The following VPS13C variants were observed in gnomAD, a reference collection of about 807,000 sequenced individuals.
VPS13C encodes intermembrane lipid transfer protein VPS13C.
Under a neutral mutation model 456.8 loss-of-function variants are expected in VPS13C, and 358 were observed. The observed-to-expected ratio is 0.78, with a 90% CI of 0.72 to 0.86. VPS13C has a LOEUF of 0.86. VPS13C is among the 40% of genes least tolerant of loss of function. VPS13C has a pLI of 0.00. For synonymous variants in VPS13C, 1,578 were observed against 1,486.7 expected (o/e 1.06, Z -1.41); for missense variants, 4,818 against 4,385.4 (o/e 1.10, Z -2.79).
chr15:61,991,221 A>G, intron 17 of VPS13C, 127 bp from the exon 18 acceptor site: 1 of 656,762 alleles, frequency 1.5e-6, no homozygotes, highest in Non-Finnish European at 2.6e-6. Context: ...TTAGCCAGGT[A>G]ATATCCTCTA....
chr15:62,056,402 G>A (rs1180503417), intron 1 of VPS13C, among the ~76,000 whole-genome samples: 3 of 152,238 alleles, frequency 2.0e-5, no homozygotes, highest in Non-Finnish European at 4.4e-5. Flanking sequence ...GTGACCAGAA[G>A]ACAAGAGTGC....
intron 67 of VPS13C, 62 bp downstream of exon 67, chr15:61,890,103 C>A: frequency 2.0e-6 from 3 of 1,474,968 alleles, no homozygotes; most frequent in Non-Finnish European, 2.8e-6. Context: ...TTCTTCAAAT[C>A]GGCTATTATG....
chr15:61,854,596 AG>A, intron 84 of VPS13C, 38 bp from the exon 85 acceptor site: 1 of 1,597,872 alleles, frequency 6.3e-7, no homozygotes, highest in Non-Finnish European at 8.6e-7. Flanking sequence ...TTTAAAGACA[AG>A]TATAGGCTCA....
intron 8 of VPS13C, among the ~76,000 whole-genome samples, chr15:62,021,831 G>A (rs940471910): frequency 3.3e-5 from 5 of 151,720 alleles, no homozygotes; most frequent in East Asian, 1.9e-4. Flanking sequence ...AGCTCTTTCC[G>A]AAGAAACTCA....
intron 57 of VPS13C, 152 bp downstream of exon 57, chr15:61,919,915 T>C (rs2043594491): frequency 1.6e-5 from 12 of 757,264 alleles, no homozygotes; most frequent in South Asian, 1.2e-4. Context: ...TTTTCTCAAG[T>C]TTAGAAAACA....
chr15:61,906,106 T>C (rs1324525906), intron 66 of VPS13C, among the ~76,000 whole-genome samples: 1 of 152,178 alleles, frequency 6.6e-6, no homozygotes, highest in Non-Finnish European at 1.5e-5. Context: ...CTGTTTATCA[T>C]ACTTAAATGA....
At chr15:62,000,724 T>C in intron 15 of VPS13C, 98 bp from the exon 16 acceptor site, 1 of 892,898 alleles carries the variant, frequency 1.1e-6, no homozygotes, top group Non-Finnish European at 1.7e-6. Context: ...CCATTATCAG[T>C]ACCTGTGACC....
At chr15:61,891,667 AT>A (rs2042655331) in intron 66 of VPS13C, among the ~76,000 whole-genome samples, 1 of 152,198 alleles carries the variant, frequency 6.6e-6, no homozygotes, top group African/African-American at 2.4e-5. Flanking sequence ...ATGCAATACT[AT>A]TCATTGCATG....
Position 61,880,725 on chromosome 15 carries a change from GA to G in VPS13C, c.9889-4del. ...ATATCTTGTTGGATTAACTTTGTCT[GA>G]AAAAAATAAAATCAAGAATTTCTAT... is the stretch of plus-strand genomic sequence containing the variant. On this transcript the variant is annotated splice_polypyrimidine_tract_variant and splice_region_variant and intron_variant, in intron 72 of 84. Coordinates refer to ENST00000644861, the MANE Select transcript of VPS13C (RefSeq NM_020821.3). The G allele has an allele frequency of 6.4e-7, 1 of 1,561,788 alleles. No homozygotes were observed.
At chr15:61,887,684 C>G (rs1167040011) in intron 67 of VPS13C, among the ~76,000 whole-genome samples, 1 of 152,028 alleles carries the variant, frequency 6.6e-6, no homozygotes, top group Non-Finnish European at 1.5e-5. Flanking sequence ...GAGTGACACT[C>G]TGTCTCAAAA....
At chr15:61,896,979 C>G (rs1021388047) in intron 66 of VPS13C, among the ~76,000 whole-genome samples, 1 of 152,246 alleles carries the variant, frequency 6.6e-6, no homozygotes, top group Non-Finnish European at 1.5e-5. Context: ...GAGGCACCCC[C>G]CAACAGGGGC....
chr15:62,022,498 T>C (rs926065230), intron 8 of VPS13C, among the ~76,000 whole-genome samples: 1 of 151,910 alleles, frequency 6.6e-6, no homozygotes, highest in African/African-American at 2.4e-5. Flanking sequence ...AACAAAGGCA[T>C]TTATGAGTGA....
At position 61,984,000 on chromosome 15, in the gene VPS13C, T is replaced by C. The variant is rs1311668523; in HGVS notation, c.1734A>G (p.Lys578=). The C allele has an allele frequency of 1.2e-6, 2 of 1,613,154 alleles. No individual in the cohort carries two copies. The highest frequency in any genetic ancestry group is 1.7e-6 in the Non-Finnish European group (2 of 1,179,686). Residue 578 remains lysine (K), a synonymous_variant, in exon 20 of 85, where the codon AAA becomes AAG. Coordinates refer to ENST00000644861, the MANE Select transcript of VPS13C (RefSeq NM_020821.3). The stretch of plus-strand genomic sequence containing the variant: ...AACCTGTTATATACCAGTGTTCTAA[T>C]TTCGCTTCTACCCTATAATCCAATG... ...PGAQALKVEA[K]LEHWYITGLR... is the part of the protein sequence containing the mutation.
intron 1 of VPS13C, among the ~76,000 whole-genome samples, chr15:62,047,649 T>C (rs2048461251): frequency 6.6e-6 from 1 of 152,198 alleles, no homozygotes; most frequent in Non-Finnish European, 1.5e-5. Flanking sequence ...AGATTAACAC[T>C]GGCACCAGTG....
Position 61,867,081 on chromosome 15 carries a change from C to T in VPS13C, c.10863+1578G>A, listed in dbSNP as rs1894646691. On this transcript the variant is annotated intron_variant, in intron 81 of 84. Transcript: ENST00000644861. The surrounding 1 kb of genome is among the most constrained non-coding windows in gnomAD (Gnocchi z 5.0). ...TATTTTTTCTCTAAGATAATAAACC[C>T]TCTCTAAGGATTTAAAAGCAAAAGG... 1.1e-6 allele frequency: 1 copy of T among 936,482 alleles called. No homozygotes were observed. The highest frequency in any genetic ancestry group is 1.3e-6 in the Non-Finnish European group (1 of 785,512). 58.0% of individuals were successfully genotyped at this position (936,482 alleles called of 1,614,324 possible).
In VPS13C at chr15:61,915,923, G is replaced by A; in HGVS notation, c.8155C>T (p.Gln2719Ter). The change falls in exon 61 of 85, where the codon CAG becomes TAG. Residue 2719 changes from glutamine (Q) to a stop codon, truncating the protein, a stop_gained. Transcript: ENST00000644861. LOFTEE classifies it high-confidence loss of function. ...AAATGTCCATTCCAGTTTTTGCCCT[G>A]GTATTTCACCAGGACTAATTCCATT... ...EIMELVLVKY[Q>*]GKNWNGHFRI... 6.2e-7 allele frequency: 1 copy of A among 1,613,798 alleles called. No homozygotes were observed. Among genetic ancestry groups the A allele is most frequent in the Non-Finnish European group, 8.5e-7 (1 of 1,179,948 alleles).
chr15:62,035,076 T>C, intron 3 of VPS13C, 24 bp from the exon 4 acceptor site: 1 of 1,531,804 alleles, frequency 6.5e-7, no homozygotes, highest in Non-Finnish European at 9.0e-7. Context: ...ATTTCAACCT[T>C]AAATTATTAT....
Position 61,853,102 on chromosome 15 carries a change from G to A in VPS13C, c.*1355C>T, listed in dbSNP as rs533803347. 1 of 152,148 alleles carries A rather than the reference G, an allele frequency of 6.6e-6. No homozygotes were observed. The highest frequency in any genetic ancestry group is 3.4e-3 in the Middle Eastern group (1 of 294). The allele number at this position is 152,148 out of a possible 1,614,324, so 9.4% of individuals were successfully genotyped here. A position where few individuals can be genotyped will look rare whatever the true frequency, so the allele number is the denominator to read the frequency against. On this transcript the variant is annotated 3_prime_UTR_variant, in exon 85 of 85. Coordinates refer to ENST00000644861, the MANE Select transcript of VPS13C (RefSeq NM_020821.3). ...TAATAGTTTATCTCTGATCAAGGAT[G>A]GAGAAAGGACAAAAAAAAATACTGT...
intron 9 of VPS13C, among the ~76,000 whole-genome samples, chr15:62,019,130 T>C (rs1041278475): frequency 5.9e-5 from 9 of 152,308 alleles, no homozygotes; most frequent in Admixed American, 3.9e-4. Context: ...GGATCGGTGG[T>C]GATATCCCCT....
Sources: gnomAD v4.1 joint callset for allele counts (sites outside exome capture counted in the v4.1 genomes callset) on GRCh38, gnomAD v4.1.1 for gene constraint, Gnocchi (gnomAD v3.1) non-coding constraint, MANE v1.5 for transcripts, NCBI Gene and HGNC (gene_info 2026-07-23, HGNC 2026-07-21) for gene names.